The following STK3 variants were observed in gnomAD, a reference collection of about 807,000 sequenced individuals.
The protein encoded by STK3 is serine/threonine-protein kinase 3.
A neutral mutation model predicts 58.0 loss-of-function variants in STK3; 41 were observed. The ratio of observed to expected loss-of-function variants is 0.71; its 90% confidence interval spans 0.55 to 0.92. The LOEUF is 0.92. STK3 is among the 40% of genes least tolerant of loss of function. The probability of loss-of-function intolerance (pLI) is 0.00; values close to 1 mark genes in which losing one functional copy is unlikely to be tolerated. For synonymous variants in STK3, 170 were observed against 191.0 expected (o/e 0.89, Z 0.91); for missense variants, 479 against 602.7 (o/e 0.79, Z 2.15).
the STK3 span, among the ~76,000 whole-genome samples, chr8:98,361,944 C>T: frequency 1.3e-5 from 2 of 152,166 alleles, no homozygotes; most frequent in Non-Finnish European, 2.9e-5. Context: ...GTTTGGTGAT[C>T]TCAGCTGAGT....
At chr8:98,624,650 C>G (rs1224808435) in intron 6 of STK3, among the ~76,000 whole-genome samples, 1 of 151,990 alleles carries the variant, frequency 6.6e-6, no homozygotes, top group Non-Finnish European at 1.5e-5. Flanking sequence ...GTCAGGAGTT[C>G]GAGACTAGCC....
the STK3 span, among the ~76,000 whole-genome samples, chr8:98,350,745 A>G: frequency 6.6e-6 from 1 of 152,218 alleles, no homozygotes; most frequent in African/African-American, 2.4e-5. Flanking sequence ...AGATCTTGTG[A>G]GACTTAGTCA....
At chr8:98,424,362 G>A (rs1437373284) in intron 3 of STK3, among the ~76,000 whole-genome samples, 1 of 152,198 alleles carries the variant, frequency 6.6e-6, no homozygotes, top group Non-Finnish European at 1.5e-5. Context: ...GGGCCCTAGT[G>A]TAGCTGGAAG....
At chr8:98,556,979 T>C (rs1811637343) in intron 8 of STK3, among the ~76,000 whole-genome samples, 1 of 152,072 alleles carries the variant, frequency 6.6e-6, no homozygotes, top group South Asian at 2.1e-4. Context: ...TTGAATAAAA[T>C]AGGTAACACC....
At chr8:98,873,968 C>T (rs1194931705) in intron 3 of STK3, among the ~76,000 whole-genome samples, 1 of 152,182 alleles carries the variant, frequency 6.6e-6, no homozygotes, top group Non-Finnish European at 1.5e-5. Flanking sequence ...CTTGTTTTTG[C>T]AGTGGCTAGT....
At chr8:98,732,081 TA>T (rs141552691) in intron 4 of STK3, among the ~76,000 whole-genome samples, 5,473 of 152,012 alleles carry the variant, frequency 0.036, 118 homozygotes, top group South Asian at 0.061. Flanking sequence ...ACTGCTAAAA[TA>T]AAAAGTTCAG....
intron 6 of STK3, among the ~76,000 whole-genome samples, chr8:98,608,488 T>G (rs1816936073): frequency 6.6e-6 from 1 of 152,184 alleles, no homozygotes. Context: ...TCATTTTATA[T>G]TATGTCCTTC....
At chr8:98,733,723 C>A (rs1365576483) in intron 4 of STK3, among the ~76,000 whole-genome samples, 1 of 152,066 alleles carries the variant, frequency 6.6e-6, no homozygotes, top group Non-Finnish European at 1.5e-5. Flanking sequence ...TTTTACATAC[C>A]TATTACCTCA....
At chr8:98,496,019 C>T (rs1015745775) in intron 10 of STK3, among the ~76,000 whole-genome samples, 5 of 152,000 alleles carry the variant, frequency 3.3e-5, no homozygotes, top group African/African-American at 1.2e-4. Flanking sequence ...ATCATAGCAC[C>T]TTATATATTT....
chr8:98,917,650 T>G (rs570017029), intron 1 of STK3, among the ~76,000 whole-genome samples: 1 of 152,198 alleles, frequency 6.6e-6, no homozygotes, highest in Non-Finnish European at 1.5e-5. Flanking sequence ...TCATCTCGAA[T>G]AGCCCAGCCT....
intron 1 of STK3, among the ~76,000 whole-genome samples, chr8:98,788,752 C>G (rs372272478): frequency 6.6e-6 from 1 of 152,064 alleles, no homozygotes. Context: ...AACACTGGAG[C>G]TCCCAAATTT....
chr8:98,381,770 A>G (rs1817735247), intron 1 of STK3, among the ~76,000 whole-genome samples: 1 of 152,178 alleles, frequency 6.6e-6, no homozygotes, highest in Admixed American at 6.5e-5. Flanking sequence ...GCAGAATAGG[A>G]TCCAGCCCAG....
At chr8:98,344,892 C>CAAAAAA in the STK3 span, among the ~76,000 whole-genome samples, 3 of 47,398 alleles carry the variant, frequency 6.3e-5, no homozygotes, top group Admixed American at 2.8e-4. Context: ...GACTCCGTCT[C>CAAAAAA]AAAAAAAAAA....
chr8:98,368,919 G>T (rs1817587563), downstream of STK3, among the ~76,000 whole-genome samples: 1 of 152,136 alleles, frequency 6.6e-6, no homozygotes, highest in African/African-American at 2.4e-5. Context: ...CATTCTCTAG[G>T]TCAAGCTCCT....
rs190749578 is a variant in STK3 at position 98,461,835 on chromosome 8, T to C, written c.1318-5835A>G. Among the ~76,000 whole-genome samples the C allele has an allele frequency of 1.4e-3, 216 of 152,382 alleles. 1 individual carries two copies. Among genetic ancestry groups the C allele is most frequent in the Non-Finnish European group, 2.6e-3 (174 of 68,038 alleles). On this transcript the variant is annotated intron_variant, in intron 10 of 10. Coordinates refer to ENST00000419617, the MANE Select transcript of STK3 (RefSeq NM_006281.4). ...CCAGTCCCTTCTGGCTTGTAAGGTT[T>C]GTGCTGAGAAATCTGCTGTTAGTCT...
At chr8:98,476,797 A>C (rs1821346657) in intron 10 of STK3, among the ~76,000 whole-genome samples, 1 of 152,224 alleles carries the variant, frequency 6.6e-6, no homozygotes, top group Non-Finnish European at 1.5e-5. Flanking sequence ...AAATTCTCTA[A>C]CATCTATAAA....
intron 6 of STK3, among the ~76,000 whole-genome samples, chr8:98,646,151 T>A (rs1009599933): frequency 6.6e-6 from 1 of 152,184 alleles, no homozygotes; most frequent in African/African-American, 2.4e-5. Flanking sequence ...ATGACTAAAC[T>A]CTTCAAGGTT....
the STK3 span, among the ~76,000 whole-genome samples, chr8:98,359,522 CAA>C: frequency 8.7e-5 from 10 of 114,438 alleles, no homozygotes; most frequent in Non-Finnish European, 1.1e-4. Context: ...GACTCTGGCT[CAA>C]AAAAAAAAAA....
At chr8:98,869,686 G>C (rs1837295310) in intron 3 of STK3, among the ~76,000 whole-genome samples, 1 of 151,914 alleles carries the variant, frequency 6.6e-6, no homozygotes, top group Admixed American at 6.6e-5. Context: ...GCACCGTCCT[G>C]CCAAATCTTT....
Sources: gnomAD v4.1 joint callset for allele counts (sites outside exome capture counted in the v4.1 genomes callset) on GRCh38, gnomAD v4.1.1 for gene constraint, MANE v1.5 for transcripts, NCBI Gene and HGNC (gene_info 2026-07-23, HGNC 2026-07-21) for gene names.